DNAI7: variants seen among roughly 807,000 people sequenced by gnomAD.
DNAI7 encodes the protein cancer susceptibility 1.
In DNAI7, 78 loss-of-function variants were observed where a neutral mutation model predicts 86.6. The observed-to-expected ratio is 0.90, with a 90% CI of 0.75 to 1.09. The LOEUF is 1.09. Among genes scored for constraint, DNAI7 ranks in the 50% least tolerant of loss-of-function variants. The pLI is 0.00. For synonymous variants in DNAI7, 274 were observed against 273.0 expected (o/e 1.00, Z -0.04); for missense variants, 753 against 810.2 (o/e 0.93, Z 0.86).
At chr12:25,164,296 T>TCCGTGTCTCTACCCCTTCTCC (rs1171902812) in intron 2 of DNAI7, among the ~76,000 whole-genome samples, 2 of 151,818 alleles carry the variant, frequency 1.3e-5, no homozygotes, top group African/African-American at 4.8e-5. Flanking sequence ...AACCCTTCTC[T>TCCGTGTCTCTACCCCTTCTCC]CCGTGTCTCT....
intron 9 of DNAI7, 109 bp downstream of exon 9, chr12:25,144,256 C>T (rs1246021435): frequency 4.5e-6 from 4 of 896,960 alleles, no homozygotes; most frequent in African/African-American, 3.3e-5. Context: ...AAGAAAGTGG[C>T]TCCCAGACAA....
At chr12:25,168,804 T>A (rs1947793600) in intron 2 of DNAI7, among the ~76,000 whole-genome samples, 1 of 152,254 alleles carries the variant, frequency 6.6e-6, no homozygotes, top group Non-Finnish European at 1.5e-5. Flanking sequence ...AATACCTGTT[T>A]TTCTCCTTCT....
At chr12:25,173,793 T>A (rs968561107) in intron 2 of DNAI7, among the ~76,000 whole-genome samples, 9 of 151,004 alleles carry the variant, frequency 6.0e-5, no homozygotes, top group African/African-American at 2.2e-4. Flanking sequence ...ACACATCATA[T>A]ATATACACAC....
rs369607694 is a variant in DNAI7 at position 25,144,559 on chromosome 12, G to A, written c.808C>T (p.His270Tyr). Reference protein sequence around the residue: ...HTHYDHVSALHPVSTPSKEYT... With the variant: ...HTHYDHVSALYPVSTPSKEYT... Reference sequence around the variant, plus strand: ...TCTTTTGATGGTGTTGAAACAGGGTGCAGTGCAGAAACATGATCATAGTGG... The same window carrying A: ...TCTTTTGATGGTGTTGAAACAGGGTACAGTGCAGAAACATGATCATAGTGG... Residue 270 changes from histidine to tyrosine, a missense_variant, in exon 9 of 16, where the codon CAC becomes TAC. By Grantham distance (83) the His-to-Tyr change is moderately conservative. Coordinates refer to ENST00000395987, the MANE Select transcript of DNAI7 (RefSeq NM_018272.5). 5.3e-5 allele frequency: 85 copies of A among 1,613,972 alleles called. 1 individual carries two copies. In the South Asian group the frequency reaches 9.1e-4, roughly 17 times the overall value.
At chr12:25,123,311 G>C in intron 9 of DNAI7, 25 bp from the exon 10 acceptor site, 1 of 1,510,136 alleles carries the variant, frequency 6.6e-7, no homozygotes, top group Non-Finnish European at 9.1e-7. Context: ...AGACATATGG[G>C]TGTGATTGTC....
chr12:25,111,740 G>A (rs368555234), intron 14 of DNAI7, 32 bp downstream of exon 14: 63 of 1,419,826 alleles, frequency 4.4e-5, no homozygotes, highest in South Asian at 5.7e-5. Context: ...TTAAATGCAC[G>A]CCACATTAAA....
chr12:25,110,282 C>A, intron 14 of DNAI7, 42 bp from the exon 15 acceptor site: 1 of 1,139,778 alleles, frequency 8.8e-7, no homozygotes, highest in Non-Finnish European at 1.3e-6. Flanking sequence ...TTGAGCCTCC[C>A]AACAAGTCTT....
chr12:25,141,707 G>A (rs756285314), intron 9 of DNAI7, among the ~76,000 whole-genome samples: 1 of 152,144 alleles, frequency 6.6e-6, no homozygotes, highest in Non-Finnish European at 1.5e-5. Context: ...GCACGTGCCG[G>A]CAATCCCAGC....
rs143780563 is a variant in DNAI7, at chr12:25,152,819, ATTGG to A, written c.438+1496_438+1499del. Among the ~76,000 whole-genome samples the A allele has an allele frequency of 1.6e-4, 25 of 152,286 alleles. No individual in the cohort carries two copies. In the East Asian group the frequency reaches 4.6e-3, roughly 28 times the overall value. ...CAGTAGGAATCTGGAGAGTTGGATAATTGGTTGGTGTGAGAAAACCCCACATACA... is the reference window on the plus strand; with the variant it reads ...CAGTAGGAATCTGGAGAGTTGGATAATTGGTGTGAGAAAACCCCACATACA... On this transcript the variant is annotated intron_variant, in intron 6 of 15. Transcript: ENST00000395987.
rs1304946326 is a variant in DNAI7 at position 25,108,389 on chromosome 12, ACT to A, written c.*157_*158del. ...CCAAGTATTCAAAGGAAAAAAAAAT[ACT>A]GTTTTTAAAATAAAACTTGAGTAGA... On this transcript the variant is annotated 3_prime_UTR_variant, in exon 16 of 16. Coordinates refer to ENST00000395987, the MANE Select transcript of DNAI7 (RefSeq NM_018272.5). The A allele has an allele frequency of 1.5e-6, 1 of 652,284 alleles. No homozygotes were observed. The highest frequency in any genetic ancestry group is 2.9e-5 in the East Asian group (1 of 34,290). The allele number at this position is 652,284 out of a possible 1,614,324, so 40.4% of individuals were successfully genotyped here.
At chr12:25,143,405 C>T (rs1003342656) in intron 9 of DNAI7, among the ~76,000 whole-genome samples, 4 of 152,190 alleles carry the variant, frequency 2.6e-5, no homozygotes, top group South Asian at 2.1e-4. Flanking sequence ...TACACCACCA[C>T]GCCCGGCTAA....
intron 2 of DNAI7, among the ~76,000 whole-genome samples, chr12:25,186,513 C>T (rs1341484615): frequency 6.6e-6 from 1 of 152,170 alleles, no homozygotes; most frequent in Non-Finnish European, 1.5e-5. Context: ...ATCACCACTT[C>T]ACACTACCAT....
At chr12:25,133,153 GA>G (rs955037721) in intron 9 of DNAI7, among the ~76,000 whole-genome samples, 1 of 136,562 alleles carries the variant, frequency 7.3e-6, no homozygotes, top group Non-Finnish European at 1.6e-5. Context: ...TTAAAACTGT[GA>G]TTTTTTTTTT....
At chr12:25,154,545 C>A in intron 5 of DNAI7, 89 bp from the exon 6 acceptor site, 1 of 1,301,862 alleles carries the variant, frequency 7.7e-7, no homozygotes, top group South Asian at 1.3e-5. Context: ...ATTTTTATAA[C>A]CTAGTTTAAC....
intron 2 of DNAI7, among the ~76,000 whole-genome samples, chr12:25,170,279 T>A (rs1947990635): frequency 6.6e-6 from 1 of 151,726 alleles, no homozygotes; most frequent in African/African-American, 2.4e-5. Flanking sequence ...TAATCCCAGC[T>A]TCTCGGGAGG....
Position 25,111,755 on chromosome 12 carries a change from G to A in DNAI7, c.1779+17C>T. ...TTAAATGCACGCCACATTAAATTTG[G>A]AAAGATTCATTCTTGCCTTATTGTT... On this transcript the variant is annotated intron_variant, in intron 14 of 15. Coordinates refer to ENST00000395987, the MANE Select transcript of DNAI7 (RefSeq NM_018272.5). The A allele has an allele frequency of 1.3e-6, 2 of 1,513,736 alleles. No individual in the cohort carries two copies. The highest frequency in any genetic ancestry group is 2.2e-5 in the Admixed American group (1 of 44,730). The allele number at this position is 1,513,736 out of a possible 1,614,324, so 93.8% of individuals were successfully genotyped here. A position where few individuals can be genotyped will look rare whatever the true frequency, so the allele number is the denominator to read the frequency against.
intron 2 of DNAI7, among the ~76,000 whole-genome samples, chr12:25,170,815 C>T (rs2141142104): frequency 6.6e-6 from 1 of 152,314 alleles, no homozygotes; most frequent in Admixed American, 6.5e-5. Context: ...TGGAAATCAA[C>T]TCCAAAAGAA....
intron 2 of DNAI7, among the ~76,000 whole-genome samples, chr12:25,165,704 C>T (rs1414672110): frequency 6.6e-6 from 1 of 152,150 alleles, no homozygotes; most frequent in East Asian, 1.9e-4. Flanking sequence ...GTAAGTCTGT[C>T]CCCCTCTTAA....
intron 7 of DNAI7, 112 bp from the exon 8 acceptor site, chr12:25,147,216 A>G (rs1332866787): frequency 3.4e-5 from 20 of 589,426 alleles, no homozygotes; most frequent in Non-Finnish European, 6.0e-6. Flanking sequence ...ATCACCTAAG[A>G]GAGTAACTTG....
Sources: gnomAD v4.1 joint callset for allele counts (sites outside exome capture counted in the v4.1 genomes callset) on GRCh38, gnomAD v4.1.1 for gene constraint, MANE v1.5 for transcripts, NCBI Gene and HGNC (gene_info 2026-07-23, HGNC 2026-07-21) for gene names.